The following FAR2 variants were observed in gnomAD, a reference collection of about 807,000 sequenced individuals.
FAR2 encodes epididymis secretory protein Li 81.
FAR2 carries 19 observed loss-of-function variants against 56.0 expected under a neutral mutation model. The ratio of observed to expected loss-of-function variants is 0.34; its 90% CI spans 0.24 to 0.50. The LOEUF (loss-of-function observed/expected upper bound fraction) is 0.50. Among genes scored for constraint, FAR2 ranks in the 20% least tolerant of loss-of-function variants. The pLI is 0.98. For missense variants in FAR2, 508 were observed against 642.2 expected (o/e 0.79, Z 2.26); for synonymous variants, 219 against 218.8 (o/e 1.00, Z -0.01).
At chr12:29,333,516 T>G in intron 11 of FAR2, 116 bp from the exon 12 acceptor site, 1 of 939,878 alleles carries the variant, frequency 1.1e-6, no homozygotes, top group South Asian at 1.7e-5. Flanking sequence ...TATCAAATAC[T>G]CTGAGCACTT....
rs181008783 is a variant in FAR2, at chr12:29,288,173, C to T, written c.190-5127C>T. 2.1e-3 allele frequency among the ~76,000 whole-genome samples: 324 copies of T among 152,230 alleles called. 2 individuals carry two copies. The highest frequency in any genetic ancestry group is 6.6e-3 in the African/African-American group (274 of 41,542). On this transcript the variant is annotated intron_variant, in intron 2 of 11. Transcript: ENST00000536681. ...AGTCAATGGAACACTCCCAAAGTTT[C>T]CAATCTGAAATGCTTAGATCACCTT...
intron 2 of FAR2, 59 bp downstream of exon 2, chr12:29,270,697 A>G: frequency 4.8e-6 from 7 of 1,444,620 alleles, no homozygotes; most frequent in African/African-American, 1.4e-5. Flanking sequence ...ATGATTCACT[A>G]CAATGTTCTC....
At chr12:29,222,726 C>A (rs113250318) in intron 1 of FAR2, among the ~76,000 whole-genome samples, 1 of 152,058 alleles carries the variant, frequency 6.6e-6, no homozygotes, top group African/African-American at 2.4e-5. Flanking sequence ...AGAAGAGGAG[C>A]CTGACTAAAG....
At chr12:29,291,563 G>C (rs1227823689) in intron 2 of FAR2, 2 of 427,354 alleles carry the variant, frequency 4.7e-6, no homozygotes, top group Non-Finnish European at 9.4e-6. Context: ...TGGGGGACTT[G>C]GTGTGAAATA....
At chr12:29,172,820 G>A (rs549219525) in intron 1 of FAR2, among the ~76,000 whole-genome samples, 9 of 152,136 alleles carry the variant, frequency 5.9e-5, no homozygotes, top group Admixed American at 2.6e-4. Context: ...AATAATTCAC[G>A]GACTTTTTCC....
chr12:29,185,349 G>A, intron 1 of FAR2, among the ~76,000 whole-genome samples: 1 of 152,120 alleles, frequency 6.6e-6, no homozygotes, highest in East Asian at 1.9e-4. Flanking sequence ...TTGTTCATTT[G>A]TTATGAGAGA....
rs71042969 is a variant in FAR2, at chr12:29,232,821, G to GCACACACACACACACA, written c.-38-37580_-38-37565dup. ...CACACACACACACATACGCGCTCGCGCACACACACACACACACACACACAC... is the reference window on the plus strand; with the variant it reads ...CACACACACACACATACGCGCTCGCGCACACACACACACACACACACACACACACACACACACACAC... On this transcript the variant is annotated intron_variant, in intron 1 of 11. Coordinates refer to ENST00000536681, the MANE Select transcript of FAR2 (RefSeq NM_001271783.2). Among the ~76,000 whole-genome samples the GCACACACACACACACA allele has an allele frequency of 3.8e-4, 56 of 145,950 alleles. 1 individual carries two copies. In the South Asian group the frequency reaches 6.1e-3, roughly 16 times the overall value.
intron 3 of FAR2, among the ~76,000 whole-genome samples, chr12:29,295,660 G>A (rs534399747): frequency 6.6e-6 from 1 of 150,582 alleles, no homozygotes; most frequent in Admixed American, 6.6e-5. Flanking sequence ...CATTTATGAT[G>A]AATTTGATAT....
At chr12:29,192,469 A>G (rs1269491628) in intron 1 of FAR2, among the ~76,000 whole-genome samples, 1 of 152,152 alleles carries the variant, frequency 6.6e-6, no homozygotes, top group African/African-American at 2.4e-5. Context: ...TATATATGCA[A>G]TCTTCTTTTC....
chr12:29,207,577 T>A (rs1375005414), intron 1 of FAR2, among the ~76,000 whole-genome samples: 1 of 152,206 alleles, frequency 6.6e-6, no homozygotes, highest in Middle Eastern at 3.2e-3. Context: ...CTACTATGGT[T>A]TGTTCTCGTT....
intron 2 of FAR2, among the ~76,000 whole-genome samples, chr12:29,292,546 G>C (rs1948987964): frequency 6.6e-6 from 1 of 152,144 alleles, no homozygotes; most frequent in Non-Finnish European, 1.5e-5. Context: ...ATTAATATTA[G>C]AAAAACTGTT....
rs116925951 is a variant in FAR2, at chr12:29,213,996, A to G, written c.-38-56416A>G. 8.1e-3 allele frequency among the ~76,000 whole-genome samples: 1,233 copies of G among 152,280 alleles called. 5 individuals carry two copies. The highest frequency in any genetic ancestry group is 0.013 in the Non-Finnish European group (888 of 68,028). ...AATATAATCTGAAGTTCCACTCCAG[A>G]GTTACCCCAAATCCACACCTCAAAG... On this transcript the variant is annotated intron_variant, in intron 1 of 11. Coordinates refer to ENST00000536681, the MANE Select transcript of FAR2 (RefSeq NM_001271783.2).
intron 1 of FAR2, among the ~76,000 whole-genome samples, chr12:29,216,792 G>A (rs569294532): frequency 6.6e-6 from 1 of 152,264 alleles, no homozygotes; most frequent in African/African-American, 2.4e-5. Flanking sequence ...TATAAGTCCA[G>A]CATTTTGCTT....
At chr12:29,308,713 C>CATAT (rs1405698626) in intron 5 of FAR2, among the ~76,000 whole-genome samples, 1 of 123,946 alleles carries the variant, frequency 8.1e-6, no homozygotes. Context: ...CACACACACA[C>CATAT]ACACACATAT....
intron 1 of FAR2, among the ~76,000 whole-genome samples, chr12:29,249,228 G>A (rs555168889): frequency 1.3e-5 from 2 of 152,284 alleles, no homozygotes; most frequent in Admixed American, 1.3e-4. Context: ...GTATTAATTT[G>A]GGCAACTAAT....
Position 29,307,781 on chromosome 12 carries a change from C to T in FAR2, c.669C>T (p.Asn223=). 2 of 1,613,010 alleles carry T rather than the reference C, an allele frequency of 1.2e-6. No individual in the cohort carries two copies. Among genetic ancestry groups the T allele is most frequent in the Non-Finnish European group, 1.7e-6 (2 of 1,179,882 alleles). Residue 223 remains asparagine, a synonymous_variant, in exon 5 of 12, where the codon AAC becomes AAT. Transcript: ENST00000536681. ...MVVQQESRNL[N]IAIIRPSIVG... is the part of the protein sequence containing the mutation. ...TGCAGCAAGAGAGCAGGAACCTGAA[C>T]ATTGCCATCATAAGGCCCTCCATTG...
At chr12:29,280,321 C>A (rs945844150) in intron 2 of FAR2, 1 of 152,228 alleles carries the variant, frequency 6.6e-6, no homozygotes, top group African/African-American at 2.4e-5. Flanking sequence ...TTGCCTGTAA[C>A]AGTTTCACAC....
Position 29,179,628 on chromosome 12 carries a change from G to A in FAR2, c.-39+30221G>A, listed in dbSNP as rs911272519. Reference sequence around the variant, plus strand: ...AGAGACACCTACCTACTCCGACCTTGTCAGGCAGTCCATGGCCATTCTATC... The same window carrying A: ...AGAGACACCTACCTACTCCGACCTTATCAGGCAGTCCATGGCCATTCTATC... On this transcript the variant is annotated intron_variant, in intron 1 of 11. Transcript: ENST00000536681. 3.9e-5 allele frequency among the ~76,000 whole-genome samples: 6 copies of A among 152,134 alleles called. No homozygotes were observed. The South Asian group carries it at 1.0e-3, about 26-fold the overall frequency.
At chr12:29,265,119 T>A (rs1360350073) in intron 1 of FAR2, among the ~76,000 whole-genome samples, 1 of 152,218 alleles carries the variant, frequency 6.6e-6, no homozygotes, top group African/African-American at 2.4e-5. Flanking sequence ...ATCTACAGAT[T>A]CAATGCCATC....
Sources: allele counts gnomAD v4.1 joint callset (sites outside exome capture counted in the v4.1 genomes callset), GRCh38; gene constraint gnomAD v4.1.1; transcripts MANE v1.5; gene names NCBI Gene and HGNC (gene_info 2026-07-23, HGNC 2026-07-21).